Variants in CXXC1 observed in about 807,000 individuals in gnomAD.
CXXC1 encodes CXXC finger protein 1.
Under a neutral mutation model 83.6 loss-of-function variants are expected in CXXC1, and 21 were observed. The observed-to-expected ratio is 0.25, with a 90% confidence interval of 0.18 to 0.36. The LOEUF (loss-of-function observed/expected upper bound fraction) is 0.36, where lower values mean the gene tolerates loss of function less well. CXXC1 is among the 10% of genes least tolerant of loss of function. The pLI is 1.00. For missense variants in CXXC1, 688 were observed against 919.5 expected, an observed-to-expected ratio of 0.75 and a Z score of 3.26; for synonymous variants, 371 against 337.5, an observed-to-expected ratio of 1.10 and a Z score of -1.09.
Position 50,283,344 on chromosome 18 carries a change from C to T in CXXC1, c.1592G>A (p.Cys531Tyr). ...TRIEGATRLFCDVYNPQSKTY... is the reference protein window; with the variant it reads ...TRIEGATRLFYDVYNPQSKTY... ...TTTGCTCTGAGGATTATACACATCA[C>T]AGAAGAGTCGTGTGGCCCTGGGGAT... Residue 531 changes from cysteine (C) to tyrosine (Y), a missense_variant, in exon 13 of 15, where the codon TGT (cysteine) becomes TAT (tyrosine). By Grantham distance (194) the Cys-to-Tyr change is radical. Around this residue, in one of 9 missense-constraint regions of CXXC1, gnomAD observed 114 missense variants for 173.3 expected, o/e 0.66. Coordinates refer to ENST00000285106, the MANE Select transcript of CXXC1 (RefSeq NM_014593.4). The T allele has an allele frequency of 6.2e-7, 1 of 1,614,060 alleles. No homozygotes were observed. The highest frequency in any genetic ancestry group is 8.5e-7 in the Non-Finnish European group (1 of 1,179,998).
At position 50,283,077 on chromosome 18, in the gene CXXC1, G is replaced by A. The variant is rs968425031; in HGVS notation, c.1672-71C>T. On this transcript the variant is annotated intron_variant, in intron 13 of 14. Transcript: ENST00000285106. ...GAATAGGAATGGGGGCTCAAGGAGG[G>A]AGAAGGAAAAGAATGGAGGGTTCAG... The A allele has an allele frequency of 5.2e-6, 8 of 1,548,854 alleles. No homozygotes were observed. In the African/African-American group the frequency reaches 8.1e-5, roughly 16 times the overall value.
In CXXC1 at chr18:50,286,843, C is replaced by G. The variant is rs1407733204; in HGVS notation, c.19G>C (p.Asp7His). The G allele has an allele frequency of 6.2e-7, 1 of 1,613,112 alleles. No individual in the cohort carries two copies. The highest frequency in any genetic ancestry group is 1.1e-5 in the South Asian group (1 of 91,054). The change falls in exon 2 of 15, where the codon GAC (aspartate) becomes CAC (histidine). Residue 7 changes from aspartate (D) to histidine (H), a missense_variant. Physicochemically the swap from Asp to His is moderately conservative, Grantham distance 81 (BLOSUM62 -1). Transcript: ENST00000285106. ...TCCCCGGCATCTGGAGGCTCTGGGT[C>G]TGAACCATCTCCCTCCTGCAGGACA... MEGDGS[D>H]PEPPDAGEDS...
Position 50,285,715 on chromosome 18 carries a change from A to C in CXXC1, c.639+34T>G. 3 of 1,604,848 alleles carry C rather than the reference A, an allele frequency of 1.9e-6. No individual in the cohort carries two copies. The highest frequency in any genetic ancestry group is 2.5e-6 in the Non-Finnish European group (3 of 1,178,452). On this transcript the variant is annotated intron_variant, in intron 5 of 14. Transcript: ENST00000285106. The surrounding 1 kb of genome is among the most constrained non-coding windows in gnomAD (Gnocchi z 4.4). ...CATGCATGGACCCACCAGCTCTCCC[A>C]CACCTGACCCTACCCAGCTCTGTCC...
Position 50,282,719 on chromosome 18 carries a change from C to G in CXXC1, c.1845G>C (p.Leu615=). 1 of 1,614,040 alleles carries G rather than the reference C, an allele frequency of 6.2e-7. No individual in the cohort carries two copies. The highest frequency in any genetic ancestry group is 8.5e-7 in the Non-Finnish European group (1 of 1,180,030). ...TGCGCACATTGCGCTCCTGCTCAAA[C>G]AGCTCGTCCAGCTTGTACCACTGCC... ...RVRVWYKLDE[L]FEQERNVRTA... is the part of the protein sequence containing the mutation. Residue 615 remains leucine (L), a synonymous_variant, in exon 15 of 15, where the codon CTG becomes CTC. Transcript: ENST00000285106. The surrounding 1 kb of genome is among the most constrained non-coding windows in gnomAD (Gnocchi z 5.8).
chr18:50,284,266 TG>T, intron 9 of CXXC1, 111 bp downstream of exon 9: 1 of 1,494,580 alleles, frequency 6.7e-7, no homozygotes, highest in Non-Finnish European at 9.0e-7. Context: ...GAGTGGGTAG[TG>T]GCTGTTTGGT....
At position 50,285,647 on chromosome 18, in the gene CXXC1, G is replaced by T; in HGVS notation, c.639+102C>A. The T allele has an allele frequency of 7.0e-7, 1 of 1,419,902 alleles. No homozygotes were observed. Among genetic ancestry groups the T allele is most frequent in the Non-Finnish European group, 9.7e-7 (1 of 1,034,262 alleles). The allele number at this position is 1,419,902 out of a possible 1,614,324, so 88.0% of individuals were successfully genotyped here. A position where few individuals can be genotyped will look rare whatever the true frequency, so the allele number is the denominator to read the frequency against. On this transcript the variant is annotated intron_variant, in intron 5 of 14. Transcript: ENST00000285106. This position sits in a 1 kb window ranked among gnomAD's most constrained non-coding sequence, Gnocchi z 4.4. ...CTTCCCACCTGTCAGGATACAGTCA[G>T]GCCCAATCCCACCTGGTTTATCCAT...
Position 50,285,025 on chromosome 18 carries a change from C to G in CXXC1, c.889G>C (p.Gly297Arg). The G allele has an allele frequency of 6.2e-7, 1 of 1,614,242 alleles. No homozygotes were observed. The highest frequency in any genetic ancestry group is 2.2e-5 in the East Asian group (1 of 44,884). Residue 297 changes from glycine (G) to arginine (R), a missense_variant, in exon 7 of 15, where the codon GGG becomes CGG. Coordinates refer to ENST00000285106, the MANE Select transcript of CXXC1 (RefSeq NM_014593.4). This position sits in a 1 kb window ranked among gnomAD's most constrained non-coding sequence, Gnocchi z 4.4. ...DPDLYQDFCAGAFDDHGLPWM... is the reference protein window; with the variant it reads ...DPDLYQDFCARAFDDHGLPWM... Reference sequence around the variant, plus strand: ...ACCAGGCCATGGTCATCAAAGGCCCCTGCACAGAAGTCCTGATACAGGTCA... The same window carrying G: ...ACCAGGCCATGGTCATCAAAGGCCCGTGCACAGAAGTCCTGATACAGGTCA...
rs1568303546 is a variant in CXXC1 at position 50,283,541 on chromosome 18, C to T, written c.1548G>A (p.Gly516=). 9 of 1,613,934 alleles carry T rather than the reference C, an allele frequency of 5.6e-6. No homozygotes were observed. Among genetic ancestry groups the T allele is most frequent in the Non-Finnish European group, 7.6e-6 (9 of 1,179,978 alleles). The change falls in exon 12 of 15, where the codon GGG becomes GGA. Residue 516 remains glycine, a synonymous_variant. Coordinates refer to ENST00000285106, the MANE Select transcript of CXXC1 (RefSeq NM_014593.4). The part of the protein sequence containing the change: ...YAKYESQTSF[G]SMYPTRIEGA... ...CTTCAATGCGTGTGGGGTACATGGA[C>T]CCAAAGGACGTCTGGCTCTCATACT...
At chr18:50,286,491 C>T (rs2040716991) in intron 3 of CXXC1, 48 bp downstream of exon 3, 2 of 1,510,680 alleles carry the variant, frequency 1.3e-6, no homozygotes, top group Non-Finnish European at 9.2e-7. Context: ...GGCTCCTCCT[C>T]CTCCCTTGAA....
At chr18:50,286,898 A>G (rs1420063145) in intron 1 of CXXC1, 40 bp from the exon 2 acceptor site, 1 of 1,407,712 alleles carries the variant, frequency 7.1e-7, no homozygotes, top group Admixed American at 1.7e-5. Context: ...AGCAGCCCCC[A>G]CCGTGGCGGC....
chr18:50,286,918 C>T, intron 1 of CXXC1, 60 bp from the exon 2 acceptor site: 2 of 1,188,282 alleles, frequency 1.7e-6, no homozygotes, highest in Non-Finnish European at 2.5e-6. Flanking sequence ...CTCATCCCCC[C>T]ATTACAACTC....
intron 3 of CXXC1, 71 bp downstream of exon 3, chr18:50,286,468 A>C: frequency 2.3e-6 from 3 of 1,307,276 alleles, no homozygotes; most frequent in Admixed American, 1.7e-5. Flanking sequence ...TAATCCCCAT[A>C]ACCCCCCCTT....
At chr18:50,287,344 C>CTT (rs2040731276) in intron 1 of CXXC1, 1 of 557,714 alleles carries the variant, frequency 1.8e-6, no homozygotes, top group Non-Finnish European at 3.2e-6. Flanking sequence ...CCTAAGAACC[C>CTT]CCGATCATGG....
intron 13 of CXXC1, 59 bp from the exon 14 acceptor site, chr18:50,283,065 G>A: frequency 1.3e-6 from 2 of 1,573,324 alleles, no homozygotes; most frequent in Non-Finnish European, 1.7e-6. Context: ...TAGGAATGGG[G>A]GCTCAAGGAG....
At position 50,284,083 on chromosome 18, in the gene CXXC1, G is replaced by A; in HGVS notation, c.1224C>T (p.Leu408=). The change falls in exon 10 of 15, where the codon CTC becomes CTT. Residue 408 remains leucine (L), a synonymous_variant. Transcript: ENST00000285106. The part of the protein sequence containing the change: ...KLAANRIYEI[L]PQRIQQWQQS... ...GCTGCCACTGCTGGATGCGCTGGGG[G>A]AGGATCTCGTAGATGCGGCTGCAGG... 1.2e-5 allele frequency: 20 copies of A among 1,607,304 alleles called. No individual in the cohort carries two copies. The highest frequency in any genetic ancestry group is 1.7e-5 in the Non-Finnish European group (20 of 1,178,442).
chr18:50,284,237 G>T (rs1210751941), intron 9 of CXXC1, 136 bp from the exon 10 acceptor site: 1 of 1,426,954 alleles, frequency 7.0e-7, no homozygotes, highest in Non-Finnish European at 9.6e-7. Flanking sequence ...CGGGCAGGTG[G>T]GTGGGTAGGT....
Position 50,286,866 on chromosome 18 carries a change from A to C in CXXC1, c.4-8T>G, listed in dbSNP as rs756649065. ...GTCTGAACCATCTCCCTCCTGCAGG[A>C]CACCCCCATTACGGATCCTTAAGCA... is the stretch of plus-strand genomic sequence containing the variant. On this transcript the variant is annotated splice_polypyrimidine_tract_variant and splice_region_variant and intron_variant, in intron 1 of 14. Transcript: ENST00000285106. The C allele has an allele frequency of 6.3e-7, 1 of 1,592,368 alleles. No homozygotes were observed. Among genetic ancestry groups the C allele is most frequent in the Non-Finnish European group, 8.6e-7 (1 of 1,160,918 alleles).
Position 50,286,817 on chromosome 18 carries a change from C to T in CXXC1, c.45G>A (p.Glu15=). The part of the protein sequence containing the change: ...GSDPEPPDAG[E]DSKSENGENA... Reference sequence around the variant, plus strand: ...TCTCCCCATTCTCGGACTTGCTGTCCTCCCCGGCATCTGGAGGCTCTGGGT... The same window carrying T: ...TCTCCCCATTCTCGGACTTGCTGTCTTCCCCGGCATCTGGAGGCTCTGGGT... Residue 15 remains glutamate (E), a synonymous_variant, in exon 2 of 15, where the codon GAG becomes GAA. Transcript: ENST00000285106. The T allele has an allele frequency of 6.2e-7, 1 of 1,614,108 alleles. No homozygotes were observed. Among genetic ancestry groups the T allele is most frequent in the Non-Finnish European group, 8.5e-7 (1 of 1,179,986 alleles).
chr18:50,282,475 A>G lies in CXXC1; in HGVS notation c.*118T>C. The G allele has an allele frequency of 1.5e-6, 2 of 1,328,666 alleles. No individual in the cohort carries two copies. Among genetic ancestry groups the G allele is most frequent in the Admixed American group, 3.6e-5 (2 of 55,934 alleles). The allele number at this position is 1,328,666 out of a possible 1,614,324, so 82.3% of individuals were successfully genotyped here. On this transcript the variant is annotated 3_prime_UTR_variant, in exon 15 of 15. Transcript: ENST00000285106. The surrounding 1 kb of genome is among the most constrained non-coding windows in gnomAD (Gnocchi z 5.8). ...CTCTGATAAAGGCAGATGGGCGGTC[A>G]ACCGGTGGATGGGCACAGGGAGAAC...
Sources: allele counts gnomAD v4.1 joint callset, GRCh38; gene constraint gnomAD v4.1.1; regional missense constraint gnomAD v4.1.1; non-coding constraint Gnocchi (gnomAD v3.1); transcripts MANE v1.5; gene names NCBI Gene and HGNC (gene_info 2026-07-23, HGNC 2026-07-21).